RORA: variants seen among roughly 807,000 people sequenced by gnomAD.
The protein encoded by RORA is nuclear receptor ROR-alpha.
RORA carries 7 observed loss-of-function variants against 69.5 expected under a neutral mutation model. The ratio of observed to expected loss-of-function variants is 0.10; its 90% CI spans 0.06 to 0.19. The LOEUF is 0.19. Among genes scored for constraint, RORA ranks in the 10% least tolerant of loss-of-function variants. The pLI, the probability that RORA is intolerant of heterozygous loss-of-function variation, is 1.00. For missense variants in RORA, 457 were observed against 663.0 expected (o/e 0.69, Z 3.41); for synonymous variants, 261 against 240.8 (o/e 1.08, Z -0.78).
At chr15:60,774,903 A>T (rs2072139248) in intron 1 of RORA, among the ~76,000 whole-genome samples, 1 of 152,208 alleles carries the variant, frequency 6.6e-6, no homozygotes, top group African/African-American at 2.4e-5. Flanking sequence ...TTGAAAATTT[A>T]GGGTAATTAT....
intron 2 of RORA, among the ~76,000 whole-genome samples, chr15:60,651,482 C>A (rs374756425): frequency 6.6e-6 from 1 of 152,166 alleles, no homozygotes; most frequent in Non-Finnish European, 1.5e-5. Context: ...AAGTTTCCTG[C>A]CGAAGCTGAA....
chr15:60,529,196 T>A (rs559513712), intron 3 of RORA: 1 of 152,360 alleles, frequency 6.6e-6, no homozygotes, highest in East Asian at 1.9e-4. Flanking sequence ...TCACCTTTCT[T>A]CTCTCATTAG....
chr15:60,855,610 T>TTTTA (rs56303340), intron 1 of RORA, among the ~76,000 whole-genome samples: 2,305 of 151,984 alleles, frequency 0.015, 32 homozygotes, highest in Non-Finnish European at 0.019. Flanking sequence ...CAGTGTTTGC[T>TTTTA]TTTATTTATT....
At chr15:60,650,085 T>TATC (rs1284918268) in intron 2 of RORA, among the ~76,000 whole-genome samples, 1 of 152,174 alleles carries the variant, frequency 6.6e-6, no homozygotes, top group African/African-American at 2.4e-5. Context: ...AGCAGAACTT[T>TATC]ATCTTTACAA....
chr15:60,780,222 C>G (rs968596842), intron 1 of RORA, among the ~76,000 whole-genome samples: 13 of 152,120 alleles, frequency 8.5e-5, no homozygotes, highest in African/African-American at 3.1e-4. Flanking sequence ...TTATCAAAAC[C>G]ATCTGGAGAA....
intron 2 of RORA, among the ~76,000 whole-genome samples, chr15:60,619,272 T>G (rs1269783958): frequency 6.6e-6 from 1 of 152,238 alleles, no homozygotes; most frequent in Non-Finnish European, 1.5e-5. Context: ...TGGATCATCT[T>G]TCTTTGGAGA....
At chr15:60,945,316 T>A (rs961508387) in intron 1 of RORA, among the ~76,000 whole-genome samples, 1 of 152,142 alleles carries the variant, frequency 6.6e-6, no homozygotes, top group African/African-American at 2.4e-5. Flanking sequence ...AGGGCTGATA[T>A]CTCTGGGGAC....
At chr15:61,098,976 A>G (rs2078838770) in intron 1 of RORA, among the ~76,000 whole-genome samples, 1 of 152,234 alleles carries the variant, frequency 6.6e-6, no homozygotes, top group South Asian at 2.1e-4. Flanking sequence ...CGTACGCTTC[A>G]GTGAAATTTT....
At chr15:61,055,561 G>A (rs774152907) in intron 1 of RORA, among the ~76,000 whole-genome samples, 7 of 152,158 alleles carry the variant, frequency 4.6e-5, no homozygotes, top group Non-Finnish European at 1.0e-4. Context: ...CAGGTCCTGT[G>A]CCAGGCCATT....
intron 1 of RORA, among the ~76,000 whole-genome samples, chr15:60,788,536 C>A (rs543558720): frequency 4.3e-4 from 66 of 152,352 alleles, no homozygotes; most frequent in African/African-American, 1.6e-3. Context: ...CTACTAATCA[C>A]GGTGTTGCTG....
chr15:61,165,991 G>A (rs1359542238), intron 1 of RORA, among the ~76,000 whole-genome samples: 1 of 152,208 alleles, frequency 6.6e-6, no homozygotes, highest in Non-Finnish European at 1.5e-5. Flanking sequence ...AGTCTGACCT[G>A]AGCTCGATGT....
chr15:61,069,400 A>G (rs950960740), intron 1 of RORA, among the ~76,000 whole-genome samples: 7 of 152,356 alleles, frequency 4.6e-5, no homozygotes, highest in South Asian at 4.1e-4. Flanking sequence ...AGGAGAAAAA[A>G]GCAAAAAGAA....
Position 61,131,728 on chromosome 15 carries a change from A to C in RORA, c.166+97325T>G, listed in dbSNP as rs537639512. On this transcript the variant is annotated intron_variant, in intron 1 of 10. Transcript: ENST00000335670. The surrounding 1 kb of genome is among the most constrained non-coding windows in gnomAD (Gnocchi z 4.2). ...GAGCTCAATTTGGTACAGTGGAAAA[A>C]CATACTGAGCAGAAATTCCAACGTG... is the stretch of plus-strand genomic sequence containing the variant. 3.9e-4 allele frequency among the ~76,000 whole-genome samples: 60 copies of C among 152,362 alleles called. 4 individuals carry two copies. The South Asian group carries it at 0.012, about 29-fold the overall frequency.
chr15:61,123,929 G>C (rs944395709), intron 1 of RORA, among the ~76,000 whole-genome samples: 16 of 152,182 alleles, frequency 1.1e-4, no homozygotes, highest in African/African-American at 3.6e-4. Context: ...GAGAACACCG[G>C]AGCAATTCAC....
chr15:60,505,904 T>A (rs1350962878), intron 5 of RORA, among the ~76,000 whole-genome samples: 3 of 152,168 alleles, frequency 2.0e-5, no homozygotes, highest in Admixed American at 2.0e-4. Flanking sequence ...TACCAATGTC[T>A]AGGAATGAAA....
intron 2 of RORA, among the ~76,000 whole-genome samples, chr15:60,538,046 A>G (rs2066733033): frequency 6.6e-6 from 1 of 152,210 alleles, no homozygotes; most frequent in Non-Finnish European, 1.5e-5. Context: ...ACGGAAAATG[A>G]GCCTCAGGAG....
At chr15:61,210,749 G>C (rs1596074761) in intron 1 of RORA, among the ~76,000 whole-genome samples, 2 of 152,214 alleles carry the variant, frequency 1.3e-5, no homozygotes, top group South Asian at 4.1e-4. Flanking sequence ...ACCACTCAAA[G>C]ACAACTAGAC....
chr15:60,839,045 C>T (rs2140401001), intron 1 of RORA, among the ~76,000 whole-genome samples: 1 of 152,192 alleles, frequency 6.6e-6, no homozygotes, highest in South Asian at 2.1e-4. Flanking sequence ...CCCGCCACCA[C>T]ACCCACCTGG....
At chr15:61,005,594 T>C (rs958867450) in intron 1 of RORA, among the ~76,000 whole-genome samples, 1 of 152,358 alleles carries the variant, frequency 6.6e-6, no homozygotes, top group South Asian at 2.1e-4. Context: ...TCTTTCTCTA[T>C]AATATGTATA....
Sources: allele counts gnomAD v4.1 joint callset (sites outside exome capture counted in the v4.1 genomes callset), GRCh38; gene constraint gnomAD v4.1.1; non-coding constraint Gnocchi (gnomAD v3.1); transcripts MANE v1.5; gene names NCBI Gene and HGNC (gene_info 2026-07-23, HGNC 2026-07-21).